The following NAA35 variants were observed in gnomAD, a reference collection of about 807,000 sequenced individuals.
NAA35 encodes the protein N-alpha-acetyltransferase 35, NatC auxiliary subunit.
Under a neutral mutation model 101.7 loss-of-function variants are expected in NAA35, and 18 were observed. That is an observed-to-expected ratio of 0.18 (90% confidence interval 0.12 to 0.26). The LOEUF (loss-of-function observed/expected upper bound fraction) is 0.26, where lower values mean the gene tolerates loss of function less well. Ranked by LOEUF, NAA35 falls within the 10% of genes least tolerant of loss-of-function variation. The pLI is 1.00. For synonymous variants in NAA35, 267 were observed against 273.1 expected, an observed-to-expected ratio of 0.98 and a Z score of 0.22; for missense variants, 601 against 886.8, an observed-to-expected ratio of 0.68 and a Z score of 4.09.
chr9:85,953,429 C>CT lies in NAA35; in HGVS notation c.125-2924dup, dbSNP rs1326425202. 6.6e-5 allele frequency among the ~76,000 whole-genome samples: 10 copies of CT among 151,954 alleles called. No individual in the cohort carries two copies. In the South Asian group the frequency reaches 1.0e-3, roughly 16 times the overall value. ...TGGCAACCAGCAGTCTACACTATGA[C>CT]TTTTTTTCTCTTTTTGAGACAGAAT... On this transcript the variant is annotated intron_variant, in intron 2 of 22. Transcript: ENST00000361671.
At chr9:85,983,004 G>A (rs1306348911) in intron 11 of NAA35, among the ~76,000 whole-genome samples, 1 of 152,176 alleles carries the variant, frequency 6.6e-6, no homozygotes, top group Non-Finnish European at 1.5e-5. Context: ...CTGGAAATGG[G>A]TATGAGAAAT....
At position 85,978,369 on chromosome 9, in the gene NAA35, A is replaced by G. The variant is rs1205379353; in HGVS notation, c.865A>G (p.Thr289Ala). ...LHHGIQAQND[T>A]TKGDHPIMMG... The stretch of plus-strand genomic sequence containing the variant: ...TCATGGCATCCAGGCCCAGAATGAT[A>G]CTACAAAAGGAGGTAATTGTTCAAT... The change falls in exon 11 of 23, where the codon ACT becomes GCT. Residue 289 changes from threonine to alanine, a missense_variant. Thr to Ala is a moderately conservative substitution (Grantham distance 58). Coordinates refer to ENST00000361671, the MANE Select transcript of NAA35 (RefSeq NM_024635.4). 1 of 1,598,256 alleles carries G rather than the reference A, an allele frequency of 6.3e-7. No individual in the cohort carries two copies. Among genetic ancestry groups the G allele is most frequent in the Admixed American group, 1.7e-5 (1 of 59,960 alleles).
At chr9:85,960,898 G>A (rs1383748448) in intron 5 of NAA35, among the ~76,000 whole-genome samples, 1 of 152,194 alleles carries the variant, frequency 6.6e-6, no homozygotes, top group Middle Eastern at 3.2e-3. Context: ...AAGATTCATG[G>A]TTTAGTAGGC....
chr9:85,986,388 G>C, intron 11 of NAA35: 1 of 469,364 alleles, frequency 2.1e-6, no homozygotes, highest in South Asian at 1.5e-5. Flanking sequence ...GGGGACAGAA[G>C]TGTGTGCAGG....
At chr9:85,942,072 A>G in intron 1 of NAA35, 83 bp from the exon 2 acceptor site, 4 of 1,542,468 alleles carry the variant, frequency 2.6e-6, no homozygotes, top group East Asian at 2.2e-5. Context: ...ACTTCATCCT[A>G]TGCTGAAACA....
At chr9:85,950,569 G>C (rs924885272) in intron 2 of NAA35, among the ~76,000 whole-genome samples, 1 of 152,078 alleles carries the variant, frequency 6.6e-6, no homozygotes. Flanking sequence ...GGAATCTTAC[G>C]AGTCATCTAG....
At chr9:85,999,732 T>G (rs1176440742) in intron 12 of NAA35, among the ~76,000 whole-genome samples, 1 of 152,234 alleles carries the variant, frequency 6.6e-6, no homozygotes, top group Non-Finnish European at 1.5e-5. Flanking sequence ...GAATAGGCAT[T>G]TATTCTGATT....
At chr9:85,956,907 AAGCAGAAGGGG>A (rs1333120297) in intron 3 of NAA35, among the ~76,000 whole-genome samples, 3 of 152,194 alleles carry the variant, frequency 2.0e-5, no homozygotes, top group Non-Finnish European at 4.4e-5. Context: ...TCATGGTGGA[AAGCAGAAGGGG>A]AGCAGTGGGG....
chr9:85,960,878 G>A (rs186284828), intron 5 of NAA35, among the ~76,000 whole-genome samples: 55 of 152,308 alleles, frequency 3.6e-4, no homozygotes, highest in African/African-American at 1.2e-3. Flanking sequence ...AATGGTAGGC[G>A]TATGACAGGA....
intron 6 of NAA35, among the ~76,000 whole-genome samples, chr9:85,968,570 C>CTA (rs1464467695): frequency 9.9e-5 from 15 of 151,872 alleles, no homozygotes; most frequent in Admixed American, 9.8e-4. Context: ...AATAAAAGTA[C>CTA]TAATACTTGT....
intron 14 of NAA35, among the ~76,000 whole-genome samples, chr9:86,009,262 C>G (rs1831791518): frequency 6.6e-6 from 1 of 152,152 alleles, no homozygotes; most frequent in Non-Finnish European, 1.5e-5. Context: ...TTCAGCACTT[C>G]CCATTTCACC....
chr9:86,018,589 T>G, intron 20 of NAA35, 110 bp from the exon 21 acceptor site: 2 of 1,413,498 alleles, frequency 1.4e-6, no homozygotes, highest in Non-Finnish European at 1.9e-6. Context: ...TTTGCCCCAG[T>G]GTCTGTGTAT....
Position 85,942,227 on chromosome 9 carries a change from A to G in NAA35, c.68A>G (p.Glu23Gly). The G allele has an allele frequency of 6.2e-7, 1 of 1,614,196 alleles. No homozygotes were observed. The highest frequency in any genetic ancestry group is 8.5e-7 in the Non-Finnish European group (1 of 1,180,026). ...GWELSMPEKM[E>G]KSNTNWVDIT... ...GAGCTCAGTATGCCAGAAAAAATGG[A>G]GAAAAGCAATACAAACTGGGTGGAC... Residue 23 changes from glutamate (E) to glycine (G), a missense_variant, in exon 2 of 23, where the codon GAG becomes GGG. Physicochemically the swap from Glu to Gly is moderately conservative, Grantham distance 98. This residue lies in a region of NAA35 where 67 missense variants were observed against 62.4 expected (regional missense o/e 1.07). Transcript: ENST00000361671.
Position 85,972,480 on chromosome 9 carries a change from C to T in NAA35, c.517-2487C>T, listed in dbSNP as rs116908745. Among the ~76,000 whole-genome samples, 171 of 130,174 alleles carry T rather than the reference C, an allele frequency of 1.3e-3. 4 individuals carry two copies. The East Asian group carries it at 0.035, about 27-fold the overall frequency. The allele number at this position is 130,174 out of a possible 152,430, so 85.4% of individuals were successfully genotyped here. ...TGAGCTAAGTTTGCGTCACTACACT[C>T]GAGCCTGGATGACAGTGAGACCCTG... On this transcript the variant is annotated intron_variant, in intron 6 of 22. Coordinates refer to ENST00000361671, the MANE Select transcript of NAA35 (RefSeq NM_024635.4).
At chr9:85,956,496 C>A (rs1587567599) in intron 3 of NAA35, 103 bp downstream of exon 3, 4 of 599,726 alleles carry the variant, frequency 6.7e-6, no homozygotes, top group East Asian at 3.6e-5. Flanking sequence ...ATTTACGTTT[C>A]AAAATTGTGA....
intron 15 of NAA35, among the ~76,000 whole-genome samples, chr9:86,010,784 A>G (rs1831885808): frequency 6.7e-6 from 1 of 149,950 alleles, no homozygotes; most frequent in African/African-American, 2.4e-5. Context: ...TTCACGTGTT[A>G]GCTAGGATGG....
intron 2 of NAA35, 22 bp downstream of exon 2, chr9:85,942,305 G>A (rs770027690): frequency 4.3e-6 from 7 of 1,611,520 alleles, no homozygotes; most frequent in Non-Finnish European, 5.1e-6. Context: ...TTTTGGATTA[G>A]AAGTTCAGCA....
intron 6 of NAA35, among the ~76,000 whole-genome samples, chr9:85,963,107 A>T (rs900629849): frequency 6.6e-6 from 1 of 152,060 alleles, no homozygotes; most frequent in Admixed American, 6.6e-5. Context: ...GTTGAAACTG[A>T]TATTTCTTTT....
At chr9:86,011,737 AATAT>A (rs1192278855) in intron 15 of NAA35, among the ~76,000 whole-genome samples, 1 of 148,006 alleles carries the variant, frequency 6.8e-6, no homozygotes, top group Non-Finnish European at 1.5e-5. Flanking sequence ...CCAGTTACTA[AATAT>A]ATATATATTT....
Sources: allele counts gnomAD v4.1 joint callset (sites outside exome capture counted in the v4.1 genomes callset), GRCh38; gene constraint gnomAD v4.1.1; regional missense constraint gnomAD v4.1.1; transcripts MANE v1.5; gene names NCBI Gene and HGNC (gene_info 2026-07-23, HGNC 2026-07-21).